The following DGKB variants were observed in gnomAD, a reference collection of about 807,000 sequenced individuals.
The protein encoded by DGKB is diacylglycerol kinase beta, also known as 90 kDa diacylglycerol kinase.
Under a neutral mutation model 114.3 loss-of-function variants are expected in DGKB, and 67 were observed. The ratio of observed to expected loss-of-function variants is 0.59; its 90% CI spans 0.48 to 0.72. The LOEUF is 0.72. DGKB is among the 30% of genes least tolerant of loss of function. DGKB has a pLI of 0.00. For missense variants in DGKB, 907 were observed against 975.2 expected, an observed-to-expected ratio of 0.93 and a Z score of 0.93; for synonymous variants, 398 against 323.1, an observed-to-expected ratio of 1.23 and a Z score of -2.49.
intron 23 of DGKB, among the ~76,000 whole-genome samples, chr7:14,311,541 G>C (rs535642070): frequency 3.9e-5 from 6 of 152,172 alleles, no homozygotes; most frequent in African/African-American, 1.4e-4. Flanking sequence ...TCCCACCTCA[G>C]TCTCCTGAAT....
At chr7:14,745,451 G>C (rs1157165872) in intron 4 of DGKB, among the ~76,000 whole-genome samples, 1 of 152,196 alleles carries the variant, frequency 6.6e-6, no homozygotes, top group Non-Finnish European at 1.5e-5. Flanking sequence ...CAAATGCCTA[G>C]GCAGATAAAG....
At chr7:14,583,370 T>C (rs1290568089) in intron 17 of DGKB, among the ~76,000 whole-genome samples, 2 of 152,018 alleles carry the variant, frequency 1.3e-5, no homozygotes, top group African/African-American at 4.8e-5. Context: ...ATGAATATAC[T>C]CTTTTTCTTT....
At chr7:14,175,126 G>A (rs1255678523) in intron 25 of DGKB, among the ~76,000 whole-genome samples, 1 of 152,136 alleles carries the variant, frequency 6.6e-6, no homozygotes, top group African/African-American at 2.4e-5. Flanking sequence ...TTGAGAGAAT[G>A]GGCTTTAATT....
At chr7:14,631,878 T>C (rs1809786594) in intron 13 of DGKB, among the ~76,000 whole-genome samples, 1 of 151,988 alleles carries the variant, frequency 6.6e-6, no homozygotes, top group South Asian at 2.1e-4. Context: ...AGGTCAGGAA[T>C]GTAATCCTAT....
intron 1 of DGKB, among the ~76,000 whole-genome samples, chr7:14,943,319 C>T (rs1270217441): frequency 6.7e-6 from 1 of 149,132 alleles, no homozygotes; most frequent in African/African-American, 2.4e-5. Flanking sequence ...TAGTAGTATG[C>T]ATAATATGCC....
intron 21 of DGKB, among the ~76,000 whole-genome samples, chr7:14,407,707 AC>A (rs1485198323): frequency 6.6e-6 from 1 of 152,128 alleles, no homozygotes; most frequent in Non-Finnish European, 1.5e-5. Flanking sequence ...ATAAAATCAT[AC>A]GGCAAAATCT....
intron 6 of DGKB, among the ~76,000 whole-genome samples, chr7:14,710,857 C>A (rs890965086): frequency 1.3e-5 from 2 of 151,972 alleles, no homozygotes; most frequent in African/African-American, 4.8e-5. Context: ...CCAAATTGAA[C>A]CTGGACATGT....
At chr7:14,965,843 T>TTTTTCATTTCAATTTCA in intron 1 of DGKB, among the ~76,000 whole-genome samples, 1 of 152,186 alleles carries the variant, frequency 6.6e-6, no homozygotes, top group Admixed American at 6.5e-5. Context: ...ATGAAAACCA[T>TTTTTCATTTCAATTTCA]TTTTCAATTC....
chr7:14,879,609 T>C (rs374802907), intron 1 of DGKB, among the ~76,000 whole-genome samples: 1 of 152,216 alleles, frequency 6.6e-6, no homozygotes, highest in Non-Finnish European at 1.5e-5. Context: ...CCCTGTGATC[T>C]TTAATATTTC....
chr7:14,274,967 GTGTGTGTT>G (rs889749235), intron 23 of DGKB, among the ~76,000 whole-genome samples: 17 of 146,450 alleles, frequency 1.2e-4, no homozygotes, highest in Middle Eastern at 3.5e-3. Flanking sequence ...GTGTGTGTGT[GTGTGTGTT>G]TGTGTGTGCG....
At chr7:14,232,659 CA>C (rs1792092822) in intron 23 of DGKB, among the ~76,000 whole-genome samples, 1 of 151,660 alleles carries the variant, frequency 6.6e-6, no homozygotes, top group Non-Finnish European at 1.5e-5. Flanking sequence ...ATTCAGAAAG[CA>C]AAAAAACTAA....
intron 13 of DGKB, among the ~76,000 whole-genome samples, chr7:14,631,240 A>G (rs1809630573): frequency 6.8e-6 from 1 of 147,558 alleles, no homozygotes; most frequent in Non-Finnish European, 1.5e-5. Context: ...TACCCAGGAG[A>G]ACTTTAGAAA....
At chr7:14,358,376 G>A (rs1040502838) in intron 21 of DGKB, among the ~76,000 whole-genome samples, 8 of 151,880 alleles carry the variant, frequency 5.3e-5, no homozygotes, top group South Asian at 2.1e-4. Flanking sequence ...CCACTTGATC[G>A]AATCGGCTAT....
At chr7:14,529,197 G>A (rs1316026029) in intron 20 of DGKB, among the ~76,000 whole-genome samples, 1 of 151,876 alleles carries the variant, frequency 6.6e-6, no homozygotes, top group Non-Finnish European at 1.5e-5. Context: ...TAATAAAGAA[G>A]TTTCCCCTAA....
chr7:14,185,647 A>G (rs1193154400), intron 23 of DGKB, among the ~76,000 whole-genome samples: 1 of 152,250 alleles, frequency 6.6e-6, no homozygotes, highest in East Asian at 1.9e-4. Flanking sequence ...CCAAAACAGA[A>G]TGGTACTGGT....
chr7:14,729,234 C>T (rs4607509), intron 5 of DGKB, among the ~76,000 whole-genome samples: 121,455 of 147,766 alleles, frequency 0.82, 50,072 homozygotes, highest in East Asian at 0.88. Context: ...GCCATTCTCC[C>T]GCCTCAGCCT....
chr7:14,723,563 A>T lies in DGKB; in HGVS notation c.323-4878T>A, dbSNP rs561833196. Among the ~76,000 whole-genome samples the T allele has an allele frequency of 4.7e-5, 7 of 148,550 alleles. No homozygotes were observed. In the South Asian group the frequency reaches 1.4e-3, roughly 31 times the overall value. On this transcript the variant is annotated intron_variant, in intron 5 of 25. Transcript: ENST00000402815. ...AAGTGAAGCAAATGTGTGTGTGTGT[A>T]TATATATGTGTGTGTGTGTGTATAT...
intron 23 of DGKB, among the ~76,000 whole-genome samples, chr7:14,233,799 G>T (rs1232906856): frequency 6.6e-6 from 1 of 151,894 alleles, no homozygotes; most frequent in Non-Finnish European, 1.5e-5. Flanking sequence ...ACAGGTCGAA[G>T]AAGAGAAGAG....
chr7:14,847,016 C>T (rs977343294), intron 1 of DGKB, among the ~76,000 whole-genome samples: 3 of 152,110 alleles, frequency 2.0e-5, no homozygotes, highest in African/African-American at 4.8e-5. Context: ...CTGGGCCGGG[C>T]GCGGTGGCTC....
Sources: allele counts gnomAD v4.1 joint callset (sites outside exome capture counted in the v4.1 genomes callset), GRCh38; gene constraint gnomAD v4.1.1; transcripts MANE v1.5; gene names NCBI Gene and HGNC (gene_info 2026-07-23, HGNC 2026-07-21).